Variants in CEBPZ observed in about 807,000 individuals in gnomAD.
CEBPZ encodes CCAAT enhancer binding protein zeta, also known as CCAAT/enhancer-binding protein zeta.
A neutral mutation model predicts 104.5 loss-of-function variants in CEBPZ; 78 were observed. The ratio of observed to expected loss-of-function variants is 0.75; its 90% CI spans 0.62 to 0.90. CEBPZ has a LOEUF of 0.90. CEBPZ is among the 40% of genes least tolerant of loss of function. The probability of loss-of-function intolerance (pLI) is 0.00; values close to 1 mark genes in which losing one functional copy is unlikely to be tolerated. For missense variants in CEBPZ, 1,439 were observed against 1,233.5 expected, an observed-to-expected ratio of 1.17 and a Z score of -2.50; for synonymous variants, 470 against 427.0, an observed-to-expected ratio of 1.10 and a Z score of -1.24.
At chr2:37,203,383 G>C (rs968584077) in intron 13 of CEBPZ, 1 of 155,398 alleles carries the variant, frequency 6.4e-6, no homozygotes, top group African/African-American at 2.4e-5. Context: ...GGGGTCTTTA[G>C]ATTGTAAAGA....
Position 37,201,850 on chromosome 2 carries a change from C to T in CEBPZ, c.3079G>A (p.Asp1027Asn), listed in dbSNP as rs534443487. ...TTTTTCTTGATGATACTTTTTGCAT[C>T]TCTGTTGTGTAGCCAGTCATCACGT... ...AERDDWLHNR[D>N]AKSIIKKKKH... Residue 1027 changes from aspartate (D) to asparagine (N), a missense_variant, in exon 16 of 16, where the codon GAT (aspartate) becomes AAT (asparagine). Physicochemically the swap from Asp to Asn is conservative, Grantham distance 23. Transcript: ENST00000234170. 6.2e-7 allele frequency: 1 copy of T among 1,613,364 alleles called. No individual in the cohort carries two copies. Among genetic ancestry groups the T allele is most frequent in the Non-Finnish European group, 8.5e-7 (1 of 1,179,474 alleles).
chr2:37,212,835 T>TAAAAAA (rs761764387), intron 10 of CEBPZ, among the ~76,000 whole-genome samples: 2 of 61,898 alleles, frequency 3.2e-5, no homozygotes, highest in Non-Finnish European at 3.6e-5. Flanking sequence ...CTATCTCTAT[T>TAAAAAA]AAAAAAAAAA....
intron 8 of CEBPZ, 99 bp downstream of exon 8, chr2:37,216,041 A>G: frequency 1.2e-6 from 1 of 837,500 alleles, no homozygotes. Context: ...TTTGATGCTC[A>G]GGTTTTATTC....
intron 8 of CEBPZ, chr2:37,215,520 T>C (rs1300059309): frequency 6.6e-6 from 1 of 152,454 alleles, no homozygotes; most frequent in East Asian, 1.9e-4. Flanking sequence ...TAACTGTGGG[T>C]AAGTCCTTTT....
chr2:37,213,911 T>A lies in CEBPZ; in HGVS notation c.2498A>T (p.Glu833Val). ...VKEKQKRDAD[E>V]ESIEDVDDEE... ...ATCATCCACGTCTTCTATACTTTCT[T>A]CATCTGCATCCCGTTTTTGTTTCTC... Residue 833 changes from glutamate (E) to valine (V), a missense_variant, in exon 10 of 16, where the codon GAA becomes GTA. Coordinates refer to ENST00000234170, the MANE Select transcript of CEBPZ (RefSeq NM_005760.3). The A allele has an allele frequency of 6.3e-7, 1 of 1,597,964 alleles. No individual in the cohort carries two copies. The highest frequency in any genetic ancestry group is 8.5e-7 in the Non-Finnish European group (1 of 1,175,128).
chr2:37,214,988 A>C (rs969047021), intron 8 of CEBPZ, 36 bp from the exon 9 acceptor site: 2 of 1,310,040 alleles, frequency 1.5e-6, no homozygotes, highest in Admixed American at 3.4e-5. Flanking sequence ...AACTTCATAT[A>C]GCAATCCCCT....
chr2:37,217,545 C>T (rs754185800), intron 5 of CEBPZ, among the ~76,000 whole-genome samples: 1 of 152,148 alleles, frequency 6.6e-6, no homozygotes, highest in African/African-American at 2.4e-5. Flanking sequence ...AGGTTTATAT[C>T]TACAGACACC....
At chr2:37,224,534 A>G (rs924599789) in intron 2 of CEBPZ, among the ~76,000 whole-genome samples, 3 of 151,598 alleles carry the variant, frequency 2.0e-5, no homozygotes, top group African/African-American at 7.3e-5. Flanking sequence ...GATATTCTGG[A>G]TTATTCAATT....
intron 4 of CEBPZ, among the ~76,000 whole-genome samples, chr2:37,221,237 G>A (rs960826731): frequency 3.3e-5 from 5 of 152,046 alleles, no homozygotes; most frequent in African/African-American, 1.2e-4. Context: ...GATCGCTTGA[G>A]TTCAGGAGTT....
chr2:37,222,439 G>A lies in CEBPZ; in HGVS notation c.2006C>T (p.Thr669Ile). ...CTCTGGTTTTTTGGTTTCTACATCA[G>A]TTTCAGGAACTGTTTCCTCTGTCTC... ...KLETEETVPETDVETKKPEVA... is the reference protein window; with the variant it reads ...KLETEETVPEIDVETKKPEVA... The change falls in exon 4 of 16, where the codon ACT becomes ATT. Residue 669 changes from threonine (T) to isoleucine (I), a missense_variant. Thr to Ile is a moderately conservative substitution (Grantham distance 89, BLOSUM62 -1). Coordinates refer to ENST00000234170, the MANE Select transcript of CEBPZ (RefSeq NM_005760.3). The A allele has an allele frequency of 6.2e-7, 1 of 1,607,322 alleles. No individual in the cohort carries two copies. The highest frequency in any genetic ancestry group is 8.5e-7 in the Non-Finnish European group (1 of 1,178,012).
chr2:37,231,429 G>C lies in CEBPZ; in HGVS notation c.139C>G (p.Arg47Gly). Residue 47 changes from arginine (R) to glycine (G), a missense_variant, in exon 1 of 16, where the codon CGG (arginine) becomes GGG (glycine). Physicochemically the swap from Arg to Gly is moderately radical, Grantham distance 125. Transcript: ENST00000234170. ...GCCGTTACCTTGGTGCCTCCGAGCC[G>C]TAACACTTCCTCCAGGGAGAACCCA... ...ENGFSLEEVL[R>G]LGGTKQDYLM... is the part of the protein sequence containing the mutation. 6.2e-7 allele frequency: 1 copy of C among 1,614,132 alleles called. No individual in the cohort carries two copies. Among genetic ancestry groups the C allele is most frequent in the South Asian group, 1.1e-5 (1 of 91,078 alleles).
chr2:37,213,356 A>G (rs1677786177), intron 10 of CEBPZ: 1 of 153,316 alleles, frequency 6.5e-6, no homozygotes, highest in Non-Finnish European at 1.5e-5. Context: ...AGCACAAATC[A>G]TGTATTTTTC....
chr2:37,213,762 A>C, intron 10 of CEBPZ, 102 bp downstream of exon 10: 1 of 733,274 alleles, frequency 1.4e-6, no homozygotes, highest in Non-Finnish European at 2.2e-6. Context: ...ATTCTTAGCT[A>C]AGTGATTTTT....
chr2:37,217,079 G>T, intron 5 of CEBPZ, 42 bp from the exon 6 acceptor site: 3 of 1,494,530 alleles, frequency 2.0e-6, no homozygotes, highest in South Asian at 1.1e-5. Flanking sequence ...TTCTAAGGTC[G>T]ACTCTTAGTA....
intron 13 of CEBPZ, chr2:37,203,216 G>A (rs758959686): frequency 7.0e-5 from 25 of 356,634 alleles, no homozygotes; most frequent in African/African-American, 1.7e-4. Flanking sequence ...TAATAGAACT[G>A]TTCAGATGAC....
At chr2:37,219,484 A>G (rs919571482) in intron 5 of CEBPZ, among the ~76,000 whole-genome samples, 1 of 151,902 alleles carries the variant, frequency 6.6e-6, no homozygotes, top group Admixed American at 6.6e-5. Context: ...TTTATTCAGG[A>G]TAAGCTGCAG....
rs1677238809 is a variant in CEBPZ at position 37,201,625 on chromosome 2, G to C, written c.*139C>G. 2 of 698,928 alleles carry C rather than the reference G, an allele frequency of 2.9e-6. No homozygotes were observed. Among genetic ancestry groups the C allele is most frequent in the Admixed American group, 2.5e-5 (1 of 39,812 alleles). The allele number at this position is 698,928 out of a possible 1,614,324, so 43.3% of individuals were successfully genotyped here. On this transcript the variant is annotated 3_prime_UTR_variant, in exon 16 of 16. Transcript: ENST00000234170. ...CTTCCACATGACTTTATAAATGAGA[G>C]CTATTTTTATTTATAGTTTATTACA... is the stretch of plus-strand genomic sequence containing the variant.
chr2:37,223,733 A>G (rs762021822), intron 2 of CEBPZ, among the ~76,000 whole-genome samples: 1 of 152,230 alleles, frequency 6.6e-6, no homozygotes, highest in Non-Finnish European at 1.5e-5. Flanking sequence ...AAGCTAATCT[A>G]AAACCAGATA....
chr2:37,201,968 C>T (rs1366281679), intron 15 of CEBPZ, 65 bp from the exon 16 acceptor site: 2 of 1,490,466 alleles, frequency 1.3e-6, no homozygotes, highest in African/African-American at 2.8e-5. Flanking sequence ...TCCCACAGAA[C>T]ATGCTGCTGA....
Sources: gnomAD v4.1 joint callset for allele counts (sites outside exome capture counted in the v4.1 genomes callset) on GRCh38, gnomAD v4.1.1 for gene constraint, MANE v1.5 for transcripts, NCBI Gene and HGNC (gene_info 2026-07-23, HGNC 2026-07-21) for gene names.